Variants in HMCN1 observed in about 807,000 individuals in gnomAD.
HMCN1 encodes hemicentin-1.
A neutral mutation model predicts 625.9 loss-of-function variants in HMCN1; 321 were observed. The observed-to-expected ratio is 0.51, with a 90% confidence interval of 0.47 to 0.56. The LOEUF (loss-of-function observed/expected upper bound fraction) is 0.56, where lower values mean the gene tolerates loss of function less well. HMCN1 is among the 20% of genes least tolerant of loss of function. The pLI is 0.00. For synonymous variants in HMCN1, 2,425 were observed against 2,417.6 expected, an observed-to-expected ratio of 1.00 and a Z score of -0.09; for missense variants, 6,588 against 6,887.3, an observed-to-expected ratio of 0.96 and a Z score of 1.54.
intron 1 of HMCN1, among the ~76,000 whole-genome samples, chr1:185,762,664 C>T (rs967463659): frequency 1.3e-5 from 2 of 152,172 alleles, no homozygotes; most frequent in African/African-American, 4.8e-5. Context: ...CAGTATTGAC[C>T]ATAACCCAAA....
chr1:186,055,516 A>G lies in HMCN1; in HGVS notation c.6986A>G (p.Asp2329Gly), dbSNP rs1042949143. The G allele has an allele frequency of 1.2e-6, 2 of 1,612,850 alleles. No individual in the cohort carries two copies. The highest frequency in any genetic ancestry group is 1.7e-6 in the Non-Finnish European group (2 of 1,179,316). ...IPPPTVTWMK[D>G]GHPLIKAKGV... ...CCACCAACAGTGACCTGGATGAAAG[A>G]TGGCCACCCCTTGATCAAGGCAAAG... The change falls in exon 45 of 107, where the codon GAT (aspartate) becomes GGT (glycine). Residue 2329 changes from aspartate (D) to glycine (G), a missense_variant. By Grantham distance (94) the Asp-to-Gly change is moderately conservative. This residue lies in a region of HMCN1 where 4,628 missense variants were observed against 4,853.1 expected (regional missense o/e 0.95). Transcript: ENST00000271588.
rs777513146 is a variant in HMCN1 at position 186,088,580 on chromosome 1, T to G, written c.9578-26T>G. On this transcript the variant is annotated intron_variant, in intron 62 of 106. Coordinates refer to ENST00000271588, the MANE Select transcript of HMCN1 (RefSeq NM_031935.3). ...TAAAGTTTAAAGGTTTTTTTATGTT[T>G]TATTGTGCTTTGTTTCTACCTCTAG... 5 of 1,607,816 alleles carry G rather than the reference T, an allele frequency of 3.1e-6. No individual in the cohort carries two copies. The East Asian group carries it at 1.1e-4, about 36-fold the overall frequency.
At chr1:186,087,737 G>T in intron 60 of HMCN1, 92 bp downstream of exon 60, 8 of 1,317,176 alleles carry the variant, frequency 6.1e-6, no homozygotes, top group South Asian at 1.2e-5. Flanking sequence ...TTACTACAGT[G>T]AAAAATGATT....
intron 64 of HMCN1, among the ~76,000 whole-genome samples, chr1:186,092,208 T>C (rs1261167639): frequency 6.6e-6 from 1 of 151,922 alleles, no homozygotes; most frequent in Non-Finnish European, 1.5e-5. Context: ...ATGTATAGAT[T>C]TGTAGGTAGT....
chr1:185,924,801 A>G (rs933434052), intron 8 of HMCN1, among the ~76,000 whole-genome samples: 4 of 152,144 alleles, frequency 2.6e-5, no homozygotes, highest in African/African-American at 4.8e-5. Context: ...ATGTCTTAAA[A>G]ACTATGATGT....
chr1:186,055,340 C>T lies in HMCN1; in HGVS notation c.6863-53C>T. The stretch of plus-strand genomic sequence containing the variant: ...GGCTGATGAAAATTCCTATGTAAGA[C>T]TTGAAGCAAACATTTCCTCTTTTGT... On this transcript the variant is annotated intron_variant, in intron 44 of 106. Coordinates refer to ENST00000271588, the MANE Select transcript of HMCN1 (RefSeq NM_031935.3). 5.2e-6 allele frequency: 8 copies of T among 1,550,858 alleles called. No individual in the cohort carries two copies. In the South Asian group the frequency reaches 7.8e-5, roughly 15 times the overall value.
chr1:185,868,961 T>C (rs1663440859), intron 4 of HMCN1, among the ~76,000 whole-genome samples: 1 of 152,192 alleles, frequency 6.6e-6, no homozygotes. Flanking sequence ...TTGCTAAAGT[T>C]GTCCATTTTT....
At position 185,977,825 on chromosome 1, in the gene HMCN1, A is replaced by G. The variant is rs565038293; in HGVS notation, c.2410A>G (p.Met804Val). ...CATACAAGAACCTGCTGATGTGTCTATGGAAATTGGCTCAAATGTGACATT... is the reference window on the plus strand; with the variant it reads ...CATACAAGAACCTGCTGATGTGTCTGTGGAAATTGGCTCAAATGTGACATT... Reference protein sequence around the residue: ...VFIQEPADVSMEIGSNVTLPC... With the variant: ...VFIQEPADVSVEIGSNVTLPC... The change falls in exon 16 of 107, where the codon ATG becomes GTG. Residue 804 changes from methionine (M) to valine (V), a missense_variant. By Grantham distance (21) the Met-to-Val change is conservative. Coordinates refer to ENST00000271588, the MANE Select transcript of HMCN1 (RefSeq NM_031935.3). 12 of 1,613,280 alleles carry G rather than the reference A, an allele frequency of 7.4e-6. No individual in the cohort carries two copies. In the African/African-American group the frequency reaches 9.3e-5, roughly 13 times the overall value.
At chr1:185,926,253 T>C (rs544180797) in intron 9 of HMCN1, among the ~76,000 whole-genome samples, 1 of 152,306 alleles carries the variant, frequency 6.6e-6, no homozygotes, top group East Asian at 1.9e-4. Flanking sequence ...TTTGACAGTC[T>C]CAGCTTATAC....
chr1:186,153,151 A>C (rs1298421478), intron 96 of HMCN1, among the ~76,000 whole-genome samples: 1 of 152,240 alleles, frequency 6.6e-6, no homozygotes. Context: ...TAATTCTTGC[A>C]TAAACGTTTT....
chr1:185,745,232 G>A (rs1354824897), intron 1 of HMCN1, among the ~76,000 whole-genome samples: 2 of 151,482 alleles, frequency 1.3e-5, no homozygotes, highest in Non-Finnish European at 2.9e-5. Context: ...GTAGGGAATC[G>A]GCAATGAAAA....
chr1:186,097,458 G>A (rs1020220177), intron 68 of HMCN1, among the ~76,000 whole-genome samples: 1 of 151,570 alleles, frequency 6.6e-6, no homozygotes, highest in Non-Finnish European at 1.5e-5. Flanking sequence ...TTCACAGAGG[G>A]TCTGGAACCA....
chr1:185,920,065 G>A (rs1262110947), intron 6 of HMCN1, among the ~76,000 whole-genome samples: 1 of 152,148 alleles, frequency 6.6e-6, no homozygotes, highest in Non-Finnish European at 1.5e-5. Flanking sequence ...CAAACTATTG[G>A]CACTTTCTCA....
At chr1:186,095,149 C>A in intron 67 of HMCN1, 94 bp from the exon 68 acceptor site, 1 of 1,280,082 alleles carries the variant, frequency 7.8e-7, no homozygotes, top group South Asian at 1.2e-5. Flanking sequence ...TTATCAACCA[C>A]AGAAACATTA....
intron 103 of HMCN1, 35 bp downstream of exon 103, chr1:186,174,677 ACTGATGTAG>A (rs754133818): frequency 6.2e-7 from 1 of 1,611,572 alleles, no homozygotes; most frequent in African/African-American, 1.3e-5. Flanking sequence ...CAATAAAGCT[ACTGATGTAG>A]TTACCTAGCC....
intron 100 of HMCN1, among the ~76,000 whole-genome samples, chr1:186,167,990 A>G (rs1039123341): frequency 6.6e-6 from 1 of 151,952 alleles, no homozygotes; most frequent in African/African-American, 2.4e-5. Context: ...TCTATCAATA[A>G]ATGACGCATG....
At chr1:186,145,962 C>G (rs1452027069) in intron 93 of HMCN1, 39 bp downstream of exon 93, 1 of 1,600,400 alleles carries the variant, frequency 6.2e-7, no homozygotes, top group South Asian at 1.1e-5. Flanking sequence ...ACATTTAGAG[C>G]CTTTGTGCAA....
chr1:185,914,824 A>G (rs1311871947), intron 6 of HMCN1, among the ~76,000 whole-genome samples: 2 of 151,650 alleles, frequency 1.3e-5, no homozygotes, highest in African/African-American at 4.8e-5. Context: ...ATTTCTGTAC[A>G]TATTTTCTCT....
chr1:185,952,329 A>G lies in HMCN1; in HGVS notation c.1829-10189A>G, dbSNP rs372989903. Among the ~76,000 whole-genome samples the G allele has an allele frequency of 5.3e-5, 8 of 151,658 alleles. No individual in the cohort carries two copies. The East Asian group carries it at 1.4e-3, about 26-fold the overall frequency. On this transcript the variant is annotated intron_variant, in intron 11 of 106. Transcript: ENST00000271588. ...GAGCAGAGGCTGAGGAAGAATTGGG[A>G]CCTAGCTCGGCCTGGAGAGGAGCAG... is the stretch of plus-strand genomic sequence containing the variant.
Sources: allele counts gnomAD v4.1 joint callset (sites outside exome capture counted in the v4.1 genomes callset), GRCh38; gene constraint gnomAD v4.1.1; regional missense constraint gnomAD v4.1.1; transcripts MANE v1.5; gene names NCBI Gene and HGNC (gene_info 2026-07-23, HGNC 2026-07-21).